The following CNTNAP2 variants were observed in gnomAD, a reference collection of about 807,000 sequenced individuals.
CNTNAP2 encodes the protein contactin associated protein 2.
Under a neutral mutation model 155.2 loss-of-function variants are expected in CNTNAP2, and 98 were observed. The ratio of observed to expected loss-of-function variants is 0.63; its 90% CI spans 0.54 to 0.75. The LOEUF (loss-of-function observed/expected upper bound fraction) is 0.75, where lower values mean the gene tolerates loss of function less well. Among genes scored for constraint, CNTNAP2 ranks in the 30% least tolerant of loss-of-function variants. The probability of loss-of-function intolerance (pLI) is 0.00; values close to 1 mark genes in which losing one functional copy is unlikely to be tolerated. For missense variants in CNTNAP2, 1,727 were observed against 1,688.1 expected, an observed-to-expected ratio of 1.02 and a Z score of -0.40; for synonymous variants, 651 against 631.2, an observed-to-expected ratio of 1.03 and a Z score of -0.47.
intron 15 of CNTNAP2, among the ~76,000 whole-genome samples, chr7:148,001,141 C>G (rs1026016994): frequency 3.3e-5 from 5 of 152,188 alleles, no homozygotes; most frequent in Admixed American, 6.5e-5. Flanking sequence ...CAAATTAGGT[C>G]ACACTCTGAG....
chr7:146,550,401 G>GTTT (rs10673467), intron 1 of CNTNAP2, among the ~76,000 whole-genome samples: 3,247 of 54,258 alleles, frequency 0.06, 831 homozygotes, highest in African/African-American at 0.17. Flanking sequence ...CCATTAATCT[G>GTTT]TTTTTTTTTT....
chr7:146,156,267 G>A (rs980103416), intron 1 of CNTNAP2, among the ~76,000 whole-genome samples: 3 of 152,114 alleles, frequency 2.0e-5, no homozygotes, highest in Admixed American at 2.0e-4. Flanking sequence ...TCTTACATTA[G>A]TGTAACCATG....
At chr7:147,605,827 G>T (rs1801051399) in intron 12 of CNTNAP2, among the ~76,000 whole-genome samples, 1 of 151,856 alleles carries the variant, frequency 6.6e-6, no homozygotes, top group Non-Finnish European at 1.5e-5. Flanking sequence ...ATCATATTTT[G>T]GGGTATTGTT....
At chr7:146,847,635 G>C (rs989726322) in intron 3 of CNTNAP2, among the ~76,000 whole-genome samples, 1 of 152,110 alleles carries the variant, frequency 6.6e-6, no homozygotes, top group African/African-American at 2.4e-5. Flanking sequence ...AAAATAGCCT[G>C]TTACTTCCAC....
At chr7:147,056,475 G>A (rs191317235) in intron 4 of CNTNAP2, among the ~76,000 whole-genome samples, 2 of 152,216 alleles carry the variant, frequency 1.3e-5, no homozygotes, top group Admixed American at 6.5e-5. Flanking sequence ...AAAGGACAGG[G>A]ACTGAGCTCA....
chr7:147,490,453 G>A (rs191914868), intron 11 of CNTNAP2, among the ~76,000 whole-genome samples: 4 of 152,108 alleles, frequency 2.6e-5, no homozygotes, highest in Admixed American at 6.5e-5. Context: ...CGTGAGAGGC[G>A]CAGTGGATTT....
At chr7:147,254,167 A>G (rs1222032145) in intron 8 of CNTNAP2, among the ~76,000 whole-genome samples, 2 of 152,164 alleles carry the variant, frequency 1.3e-5, no homozygotes, top group Non-Finnish European at 2.9e-5. Flanking sequence ...AGGGTGCAAG[A>G]CACAGTCTGT....
intron 1 of CNTNAP2, among the ~76,000 whole-genome samples, chr7:146,451,086 A>G (rs1445633634): frequency 6.6e-6 from 1 of 152,044 alleles, no homozygotes; most frequent in Non-Finnish European, 1.5e-5. Flanking sequence ...AGCTGGGACT[A>G]CAGGCACCGA....
At chr7:147,263,961 T>C (rs146278257) in intron 8 of CNTNAP2, among the ~76,000 whole-genome samples, 1 of 152,284 alleles carries the variant, frequency 6.6e-6, no homozygotes, top group Non-Finnish European at 1.5e-5. Context: ...TGGCATGAGG[T>C]GCTCAGGATT....
At chr7:146,239,094 T>G (rs902720933) in intron 1 of CNTNAP2, among the ~76,000 whole-genome samples, 1 of 152,192 alleles carries the variant, frequency 6.6e-6, no homozygotes, top group Non-Finnish European at 1.5e-5. Flanking sequence ...GATATGTGTT[T>G]GGAACAATTT....
At chr7:146,646,099 A>G (rs542917858) in intron 1 of CNTNAP2, among the ~76,000 whole-genome samples, 23 of 152,186 alleles carry the variant, frequency 1.5e-4, no homozygotes, top group Non-Finnish European at 2.8e-4. Flanking sequence ...TTCACACTTT[A>G]CAAGTGCTTT....
chr7:147,162,656 G>A (rs1341484113), intron 8 of CNTNAP2, among the ~76,000 whole-genome samples: 1 of 152,112 alleles, frequency 6.6e-6, no homozygotes, highest in Non-Finnish European at 1.5e-5. Flanking sequence ...AGGTTTGGGA[G>A]CTGTTGTAGT....
chr7:147,374,575 G>A (rs1796403122), intron 9 of CNTNAP2, among the ~76,000 whole-genome samples: 1 of 152,002 alleles, frequency 6.6e-6, no homozygotes, highest in South Asian at 2.1e-4. Context: ...TTGAAGATGT[G>A]TTCATCTCTA....
chr7:148,047,065 A>G (rs935305268), intron 15 of CNTNAP2, among the ~76,000 whole-genome samples: 2 of 152,004 alleles, frequency 1.3e-5, no homozygotes, highest in African/African-American at 4.8e-5. Flanking sequence ...CCCAACTCCT[A>G]CCTTTCTCGA....
chr7:148,156,073 T>C (rs1426234311), intron 17 of CNTNAP2, among the ~76,000 whole-genome samples: 1 of 152,194 alleles, frequency 6.6e-6, no homozygotes, highest in Non-Finnish European at 1.5e-5. Flanking sequence ...CAGCCCTGGC[T>C]GGTATTATGC....
At chr7:147,681,006 G>A (rs1795940740) in intron 13 of CNTNAP2, among the ~76,000 whole-genome samples, 1 of 151,770 alleles carries the variant, frequency 6.6e-6, no homozygotes, top group African/African-American at 2.4e-5. Flanking sequence ...AGAATATTTT[G>A]TTATTCTTGT....
At chr7:147,408,745 G>A (rs1451048402) in intron 10 of CNTNAP2, among the ~76,000 whole-genome samples, 16 of 152,132 alleles carry the variant, frequency 1.1e-4, no homozygotes, top group Admixed American at 5.2e-4. Flanking sequence ...GCGACAGAGC[G>A]AGACTCCATC....
intron 1 of CNTNAP2, among the ~76,000 whole-genome samples, chr7:146,292,951 A>G (rs781008285): frequency 5.3e-5 from 8 of 152,138 alleles, no homozygotes; most frequent in Non-Finnish European, 1.2e-4. Context: ...TCTTTGGGAT[A>G]TATTGTAAAG....
In CNTNAP2 at chr7:146,624,077, G is replaced by T. The variant is rs114042037; in HGVS notation, c.98-150194G>T. Among the ~76,000 whole-genome samples the T allele has an allele frequency of 8.6e-3, 1,309 of 151,950 alleles. 13 individuals carry two copies. Among genetic ancestry groups the T allele is most frequent in the African/African-American group, 0.03 (1,241 of 41,468 alleles). On this transcript the variant is annotated intron_variant, in intron 1 of 23. Transcript: ENST00000361727. Reference sequence around the variant, plus strand: ...ATCATTTTTGATACCGTGTCTTTTTGATTATTTAATAAATAGCCCAATTTA... The same window carrying T: ...ATCATTTTTGATACCGTGTCTTTTTTATTATTTAATAAATAGCCCAATTTA...
Sources: gnomAD v4.1 joint callset for allele counts (sites outside exome capture counted in the v4.1 genomes callset) on GRCh38, gnomAD v4.1.1 for gene constraint, MANE v1.5 for transcripts, NCBI Gene and HGNC (gene_info 2026-07-23, HGNC 2026-07-21) for gene names.